The following TPM3 variants were observed in gnomAD, a reference collection of about 807,000 sequenced individuals.
TPM3 encodes the protein tropomyosin alpha-3 chain.
In TPM3, 16 loss-of-function variants were observed where a neutral mutation model predicts 43.1. The observed-to-expected ratio is 0.37, with a 90% CI of 0.25 to 0.56. TPM3 has a LOEUF of 0.56. Ranked by LOEUF, TPM3 falls within the 20% of genes least tolerant of loss-of-function variation. TPM3 has a pLI of 0.77. For missense variants in TPM3, 176 were observed against 337.2 expected (o/e 0.52, Z 3.74); for synonymous variants, 101 against 116.9 (o/e 0.86, Z 0.88).
rs1660419112 is a variant in TPM3 at position 154,161,977 on chromosome 1, A to C, written c.*5960T>G. ...AATTAAGACCAGTACTAGCTCCTTA[A>C]AGTTTTTGGTTCCCTGATAATAGCT... On this transcript the variant is annotated 3_prime_UTR_variant, in exon 10 of 10. Transcript: ENST00000651641. Among the ~76,000 whole-genome samples, 1 of 152,118 alleles carries C rather than the reference A, an allele frequency of 6.6e-6. No homozygotes were observed. Among genetic ancestry groups the C allele is most frequent in the African/African-American group, 2.4e-5 (1 of 41,414 alleles).
chr1:154,170,528 A>G, intron 7 of TPM3, 59 bp from the exon 8 acceptor site: 3 of 1,602,440 alleles, frequency 1.9e-6, no homozygotes, highest in Non-Finnish European at 2.6e-6. Flanking sequence ...AACAATCTCT[A>G]TTTCTTCCAC....
rs373631033 is a variant in TPM3, at chr1:154,162,236, G to A, written c.*5701C>T. ...AAAAATTAGCCGGGCTTGGTTGCAC[G>A]TGCCTGTAATCCCAGCTATTCAGGA... On this transcript the variant is annotated 3_prime_UTR_variant, in exon 10 of 10. Coordinates refer to ENST00000651641, the MANE Select transcript of TPM3 (RefSeq NM_152263.4). Among the ~76,000 whole-genome samples, 97 of 151,880 alleles carry A rather than the reference G, an allele frequency of 6.4e-4. 1 individual carries two copies. In the South Asian group the frequency reaches 0.015, roughly 23 times the overall value.
rs1199026318 is a variant in TPM3 at position 154,166,146 on chromosome 1, CAAA to C, written c.*1788_*1790del. 8.9e-6 allele frequency: 2 copies of C among 225,740 alleles called. No individual in the cohort carries two copies. Among genetic ancestry groups the C allele is most frequent in the Admixed American group, 5.7e-5 (1 of 17,486 alleles). 14.0% of individuals were successfully genotyped at this position (225,740 alleles called of 1,614,324 possible). On this transcript the variant is annotated 3_prime_UTR_variant, in exon 10 of 10. Coordinates refer to ENST00000651641, the MANE Select transcript of TPM3 (RefSeq NM_152263.4). ...ATGCGGCAGTAAGAAATGGAATGGA[CAAA>C]AGGAAACGTGAATTTGATATGACTT...
chr1:154,191,621 A>G, intron 1 of TPM3: 1 of 1,410,394 alleles, frequency 7.1e-7, no homozygotes, highest in Non-Finnish European at 9.2e-7. Flanking sequence ...TCCCTCTAGA[A>G]CTCTTACCTT....
At position 154,163,694 on chromosome 1, in the gene TPM3, CACAATCTCAGCTCACT is replaced by C. The variant is rs1660635102; in HGVS notation, c.*4227_*4242del. On this transcript the variant is annotated 3_prime_UTR_variant, in exon 10 of 10. Transcript: ENST00000651641. Reference sequence around the variant, plus strand: ...TGTCACCCAGGCTGGAATGCCGTGGCACAATCTCAGCTCACTACAAGCTCCGCCTCCCGGGTTCACG... The same window carrying C: ...TGTCACCCAGGCTGGAATGCCGTGGCACAAGCTCCGCCTCCCGGGTTCACG... Among the ~76,000 whole-genome samples, 2 of 152,050 alleles carry C rather than the reference CACAATCTCAGCTCACT, an allele frequency of 1.3e-5. No individual in the cohort carries two copies. The highest frequency in any genetic ancestry group is 4.1e-4 in the South Asian group (2 of 4,822).
chr1:154,171,123 T>C (rs1661528705), intron 6 of TPM3: 1 of 575,624 alleles, frequency 1.7e-6, no homozygotes, highest in African/African-American at 1.9e-5. Context: ...GTTGCCCCCA[T>C]CTGTCTGCTA....
chr1:154,183,323 G>C, intron 2 of TPM3: 1 of 1,469,908 alleles, frequency 6.8e-7, no homozygotes, highest in Non-Finnish European at 9.0e-7. Flanking sequence ...GCGGCAGGGA[G>C]TGGATCCTCC....
At chr1:154,157,760 G>C, downstream of TPM3, 1 of 780,688 alleles carries the variant, frequency 1.3e-6, no homozygotes, top group Non-Finnish European at 2.4e-6. Flanking sequence ...AGAACTAGAA[G>C]TAAATTTCAA....
chr1:154,186,591 G>A lies in TPM3; in HGVS notation c.243+4595C>T, dbSNP rs1663419990. 1.3e-5 allele frequency among the ~76,000 whole-genome samples: 2 copies of A among 151,354 alleles called. 1 individual carries two copies. Among genetic ancestry groups the A allele is most frequent in the African/African-American group, 4.9e-5 (2 of 40,722 alleles). On this transcript the variant is annotated intron_variant, in intron 2 of 9. Transcript: ENST00000651641. ...CTAAAAAATGGTGTTATGACTCTAT[G>A]TCCTAACAATGCACTCCTCTTTCCC... is the stretch of plus-strand genomic sequence containing the variant.
intron 2 of TPM3, 143 bp from the exon 3 acceptor site, chr1:154,176,391 GATC>G (rs1571419428): frequency 7.9e-6 from 9 of 1,143,906 alleles, no homozygotes; most frequent in Non-Finnish European, 1.0e-5. Context: ...GCTGTTAAAA[GATC>G]TAGCAGACAT....
intron 4 of TPM3, 46 bp downstream of exon 4, chr1:154,173,038 C>A: frequency 6.2e-7 from 1 of 1,613,830 alleles, no homozygotes; most frequent in Admixed American, 1.7e-5. Context: ...CCGCATTATG[C>A]TTTGTAAAAG....
At chr1:154,184,076 C>A (rs540701423) in intron 2 of TPM3, among the ~76,000 whole-genome samples, 29 of 151,950 alleles carry the variant, frequency 1.9e-4, no homozygotes, top group African/African-American at 6.8e-4. Context: ...GGGACGGAGT[C>A]TCCTCTGTCG....
downstream of TPM3, chr1:154,158,808 CA>C: frequency 3.1e-6 from 2 of 650,548 alleles, no homozygotes; most frequent in South Asian, 3.2e-5. Flanking sequence ...GTCAACTTCA[CA>C]ATGCTGTTAG....
At chr1:154,172,121 C>CG in intron 5 of TPM3, 1 of 1,613,544 alleles carries the variant, frequency 6.2e-7, no homozygotes, top group African/African-American at 1.3e-5. Context: ...GTGATAGTCA[C>CG]GGGGATGGCA....
In TPM3 at chr1:154,167,665, C is replaced by T; in HGVS notation, c.*272G>A. On this transcript the variant is annotated 3_prime_UTR_variant, in exon 10 of 10. Coordinates refer to ENST00000651641, the MANE Select transcript of TPM3 (RefSeq NM_152263.4). ...AGAGGAGGGGGAGCCTACAATAGCT[C>T]TTCCCCACATCACACCCCCAAGGCT... 1 of 1,332,152 alleles carries T rather than the reference C, an allele frequency of 7.5e-7. No homozygotes were observed. Among genetic ancestry groups the T allele is most frequent in the Non-Finnish European group, 9.7e-7 (1 of 1,033,532 alleles). 82.5% of individuals were successfully genotyped at this position (1,332,152 alleles called of 1,614,324 possible).
intron 8 of TPM3, chr1:154,170,080 G>T: frequency 2.8e-6 from 1 of 356,972 alleles, no homozygotes; most frequent in Non-Finnish European, 5.3e-6. Flanking sequence ...TGAAATCATG[G>T]CTTCCATTTA....
intron 4 of TPM3, 23 bp downstream of exon 4, chr1:154,173,061 G>A: frequency 6.2e-7 from 1 of 1,613,736 alleles, no homozygotes; most frequent in Non-Finnish European, 8.5e-7. Context: ...CGATACGAGA[G>A]GGACTAACAG....
chr1:154,176,808 A>T (rs10797049), intron 2 of TPM3, among the ~76,000 whole-genome samples: 136,944 of 151,796 alleles, frequency 0.9, 61,994 homozygotes, highest in East Asian at 1. Flanking sequence ...TGAAACCCTG[A>T]CTCTAATAAA....
intron 1 of TPM3, chr1:154,191,601 A>G (rs1465709388): frequency 2.1e-6 from 3 of 1,396,824 alleles, no homozygotes; most frequent in Admixed American, 5.8e-5. Flanking sequence ...GAGTGAAAAG[A>G]GATGCTCTTT....
Sources: allele counts gnomAD v4.1 joint callset (sites outside exome capture counted in the v4.1 genomes callset), GRCh38; gene constraint gnomAD v4.1.1; transcripts MANE v1.5; gene names NCBI Gene and HGNC (gene_info 2026-07-23, HGNC 2026-07-21).